CPQ: variants seen among roughly 807,000 people sequenced by gnomAD.
CPQ encodes the protein carboxypeptidase Q, also known as Ser-Met dipeptidase.
CPQ carries 37 observed loss-of-function variants against 45.7 expected under a neutral mutation model. That is an observed-to-expected ratio of 0.81 (90% CI 0.62 to 1.07). The LOEUF (loss-of-function observed/expected upper bound fraction) is 1.07. Among genes scored for constraint, CPQ ranks in the 50% least tolerant of loss-of-function variants. The pLI, the probability that CPQ is intolerant of heterozygous loss-of-function variation, is 0.00. For missense variants in CPQ, 537 were observed against 572.9 expected (o/e 0.94, Z 0.64); for synonymous variants, 186 against 205.8 (o/e 0.90, Z 0.82).
At chr8:96,940,093 G>C (rs1285801298) in intron 4 of CPQ, among the ~76,000 whole-genome samples, 1 of 151,922 alleles carries the variant, frequency 6.6e-6, no homozygotes, top group Non-Finnish European at 1.5e-5. Flanking sequence ...ACTTTTCTCT[G>C]TAAAAATGAT....
intron 1 of CPQ, among the ~76,000 whole-genome samples, chr8:96,692,917 G>C (rs1361760064): frequency 6.6e-6 from 1 of 152,002 alleles, no homozygotes; most frequent in Non-Finnish European, 1.5e-5. Flanking sequence ...CAAAATAGCT[G>C]TGTTGAGGAA....
chr8:96,979,156 A>T (rs1813842086), intron 5 of CPQ, among the ~76,000 whole-genome samples: 1 of 152,124 alleles, frequency 6.6e-6, no homozygotes, highest in African/African-American at 2.4e-5. Context: ...GGGGTGGGAA[A>T]CGAGTAAAGT....
intron 5 of CPQ, among the ~76,000 whole-genome samples, chr8:96,966,554 G>A (rs577136051): frequency 1.3e-5 from 2 of 152,294 alleles, no homozygotes; most frequent in South Asian, 2.1e-4. Context: ...ATGATAGGAT[G>A]TTTTGCAGCA....
intron 2 of CPQ, among the ~76,000 whole-genome samples, chr8:96,793,967 A>G (rs1034724771): frequency 2.0e-5 from 3 of 152,032 alleles, no homozygotes; most frequent in Non-Finnish European, 2.9e-5. Flanking sequence ...GGGCAGCTCC[A>G]TCCTTCCAGG....
intron 1 of CPQ, among the ~76,000 whole-genome samples, chr8:96,752,065 A>G (rs1396056224): frequency 1.3e-5 from 2 of 152,192 alleles, no homozygotes; most frequent in South Asian, 2.1e-4. Flanking sequence ...TAAGGTGGGT[A>G]GCATGATGGC....
chr8:96,952,959 A>T (rs903188694), intron 4 of CPQ, among the ~76,000 whole-genome samples: 1 of 152,088 alleles, frequency 6.6e-6, no homozygotes, highest in Non-Finnish European at 1.5e-5. Flanking sequence ...TTCCAATGGA[A>T]GTTGTCAATA....
At chr8:96,903,550 T>C (rs1027401005) in intron 4 of CPQ, among the ~76,000 whole-genome samples, 8 of 152,334 alleles carry the variant, frequency 5.3e-5, no homozygotes, top group African/African-American at 1.2e-4. Context: ...TTCCTCTTCA[T>C]GTTGCTAATA....
chr8:96,869,808 A>C (rs1364964077), intron 3 of CPQ, among the ~76,000 whole-genome samples: 5 of 152,072 alleles, frequency 3.3e-5, no homozygotes, highest in Non-Finnish European at 5.9e-5. Context: ...TTATTCTGAC[A>C]CATAATAACT....
chr8:97,135,415 AGT>A (rs1238176038), intron 7 of CPQ, among the ~76,000 whole-genome samples: 4 of 152,310 alleles, frequency 2.6e-5, no homozygotes, highest in African/African-American at 9.6e-5. Context: ...GATTTAATAC[AGT>A]AGGGATTAAA....
chr8:96,884,379 A>G lies in CPQ; in HGVS notation c.849+4374A>G, dbSNP rs572860102. On this transcript the variant is annotated intron_variant, in intron 4 of 7. Coordinates refer to ENST00000220763, the MANE Select transcript of CPQ (RefSeq NM_016134.4). ...TCTGGTCTTTTCCATACTTCTTTGC[A>G]ATGAGGCTCAAAGTTATTTTAAAAC... Among the ~76,000 whole-genome samples the G allele has an allele frequency of 8.5e-5, 13 of 152,204 alleles. No individual in the cohort carries two copies. The East Asian group carries it at 2.3e-3, about 27-fold the overall frequency.
At chr8:96,847,318 T>C (rs927177026) in intron 3 of CPQ, among the ~76,000 whole-genome samples, 4 of 152,200 alleles carry the variant, frequency 2.6e-5, no homozygotes, top group Non-Finnish European at 4.4e-5. Context: ...GTTGCAAATG[T>C]TTTTCTAATT....
rs376667149 is a variant in CPQ at position 96,656,329 on chromosome 8, G to A, written c.-35+10927G>A. Among the ~76,000 whole-genome samples, 175 of 152,222 alleles carry A rather than the reference G, an allele frequency of 1.1e-3. 1 individual carries two copies. Among genetic ancestry groups the A allele is most frequent in the African/African-American group, 3.9e-3 (160 of 41,510 alleles). On this transcript the variant is annotated intron_variant, in intron 1 of 7. Coordinates refer to ENST00000220763, the MANE Select transcript of CPQ (RefSeq NM_016134.4). The stretch of plus-strand genomic sequence containing the variant: ...TGAGGTCTGATGGGGCTGCTGGCTC[G>A]GCTCCCATGCTTCGGGGAGACCACT...
intron 3 of CPQ, among the ~76,000 whole-genome samples, chr8:96,845,338 C>T (rs930925670): frequency 1.3e-5 from 2 of 152,200 alleles, no homozygotes; most frequent in African/African-American, 4.8e-5. Context: ...TCGTGTACCT[C>T]ATTGTATTCT....
At chr8:96,968,507 G>T (rs575355496) in intron 5 of CPQ, among the ~76,000 whole-genome samples, 24 of 152,308 alleles carry the variant, frequency 1.6e-4, no homozygotes, top group African/African-American at 5.5e-4. Flanking sequence ...TTGAGGCCAA[G>T]AAATAGGTTC....
At chr8:97,066,295 A>G (rs1404398719) in intron 7 of CPQ, 85 bp downstream of exon 7, 1 of 1,226,026 alleles carries the variant, frequency 8.2e-7, no homozygotes, top group Non-Finnish European at 1.1e-6. Context: ...CACAATGAAT[A>G]CTAGTAGGCC....
rs913555880 is a variant in CPQ, at chr8:96,842,269, G to A, written c.641+7089G>A. Among the ~76,000 whole-genome samples, 7 of 152,186 alleles carry A rather than the reference G, an allele frequency of 4.6e-5. 1 individual carries two copies. Among genetic ancestry groups the A allele is most frequent in the East Asian group, 1.9e-4 (1 of 5,164 alleles). On this transcript the variant is annotated intron_variant, in intron 3 of 7. Coordinates refer to ENST00000220763, the MANE Select transcript of CPQ (RefSeq NM_016134.4). ...AGATTTTTGATGTCCTGGTGGTTTGGTTCTTAAGCATGACCTTAAGATAAT... is the reference window on the plus strand; with the variant it reads ...AGATTTTTGATGTCCTGGTGGTTTGATTCTTAAGCATGACCTTAAGATAAT...
At chr8:96,819,530 C>A (rs1563504983) in intron 2 of CPQ, among the ~76,000 whole-genome samples, 1 of 152,012 alleles carries the variant, frequency 6.6e-6, no homozygotes, top group Non-Finnish European at 1.5e-5. Context: ...TGTAAAATTG[C>A]CCTTGTTTGA....
intron 4 of CPQ, among the ~76,000 whole-genome samples, chr8:96,905,288 C>G (rs190770339): frequency 6.6e-6 from 1 of 152,218 alleles, no homozygotes; most frequent in East Asian, 1.9e-4. Flanking sequence ...CACCTCCCAC[C>G]AGGCCCTTCC....
At chr8:97,018,130 G>A (rs1161001737) in intron 5 of CPQ, among the ~76,000 whole-genome samples, 1 of 152,136 alleles carries the variant, frequency 6.6e-6, no homozygotes, top group Non-Finnish European at 1.5e-5. Flanking sequence ...ATCCAGAAGA[G>A]AGATAACAAT....
Sources: gnomAD v4.1 joint callset for allele counts (sites outside exome capture counted in the v4.1 genomes callset) on GRCh38, gnomAD v4.1.1 for gene constraint, MANE v1.5 for transcripts, NCBI Gene and HGNC (gene_info 2026-07-23, HGNC 2026-07-21) for gene names.